The following RBM33 variants were observed in gnomAD, a reference collection of about 807,000 sequenced individuals.
The protein encoded by RBM33 is RNA binding motif protein 33, also known as RNA-binding protein 33.
A neutral mutation model predicts 132.6 loss-of-function variants in RBM33; 28 were observed. That is an observed-to-expected ratio of 0.21 (90% confidence interval 0.16 to 0.29). RBM33 has a LOEUF of 0.29. Among genes scored for constraint, RBM33 ranks in the 10% least tolerant of loss-of-function variants. RBM33 has a pLI of 1.00. For missense variants in RBM33, 1,291 were observed against 1,518.5 expected, an observed-to-expected ratio of 0.85 and a Z score of 2.49; for synonymous variants, 634 against 593.0, an observed-to-expected ratio of 1.07 and a Z score of -1.01.
In RBM33 at chr7:155,711,383, G is replaced by C. The variant is rs546568032; in HGVS notation, c.1129G>C (p.Val377Leu). ...TPRMMMTPPP[V>L]TPQQPKNIHI... The stretch of plus-strand genomic sequence containing the variant: ...AAGGATGATGATGACCCCGCCACCC[G>C]TGACTCCACAGCAGCCCAAGAACAT... The change falls in exon 8 of 18, where the codon GTG (valine) becomes CTG (leucine). Residue 377 changes from valine (V) to leucine (L), a missense_variant. Physicochemically the swap from Val to Leu is conservative, Grantham distance 32. This residue lies in a region of RBM33 where 146 missense variants were observed against 137.1 expected (regional missense o/e 1.07). Coordinates refer to ENST00000401878, the MANE Select transcript of RBM33 (RefSeq NM_053043.3). The C allele has an allele frequency of 1.3e-6, 2 of 1,581,398 alleles. No homozygotes were observed. Among genetic ancestry groups the C allele is most frequent in the East Asian group, 2.4e-5 (1 of 41,892 alleles).
chr7:155,701,069 T>C, intron 6 of RBM33, 125 bp downstream of exon 6: 1 of 807,088 alleles, frequency 1.2e-6, no homozygotes, highest in Non-Finnish European at 2.1e-6. Context: ...GTCCGGAGAG[T>C]GGCCGGACTT....
chr7:155,751,870 GT>G (rs1801696225), intron 14 of RBM33, among the ~76,000 whole-genome samples: 2 of 152,300 alleles, frequency 1.3e-5, no homozygotes, highest in South Asian at 4.1e-4. Context: ...TTTCACTATT[GT>G]TAGCAGGCAC....
chr7:155,676,309 G>A (rs540881291), intron 3 of RBM33, among the ~76,000 whole-genome samples: 1 of 152,168 alleles, frequency 6.6e-6, no homozygotes, highest in Non-Finnish European at 1.5e-5. Flanking sequence ...GAGCTTTTAG[G>A]AAGTGGGTAA....
At chr7:155,759,333 A>G (rs1801952334) in intron 14 of RBM33, among the ~76,000 whole-genome samples, 2 of 151,720 alleles carry the variant, frequency 1.3e-5, no homozygotes, top group African/African-American at 2.4e-5. Context: ...CCAGACATAA[A>G]TTTTCACCAG....
intron 9 of RBM33, among the ~76,000 whole-genome samples, chr7:155,718,899 A>G (rs1487831852): frequency 1.3e-5 from 2 of 152,184 alleles, no homozygotes; most frequent in East Asian, 3.8e-4. Context: ...CTCATTTTAT[A>G]TTTTAAAATG....
chr7:155,708,338 C>T (rs926441335), intron 7 of RBM33, among the ~76,000 whole-genome samples: 14 of 152,214 alleles, frequency 9.2e-5, no homozygotes, highest in African/African-American at 3.4e-4. Flanking sequence ...TGTCTTTTTT[C>T]CCTTCGTTGC....
intron 14 of RBM33, among the ~76,000 whole-genome samples, chr7:155,756,942 A>G (rs1218763318): frequency 6.6e-6 from 1 of 152,192 alleles, no homozygotes; most frequent in Non-Finnish European, 1.5e-5. Flanking sequence ...GTTTACAAGT[A>G]ATGATTAGGA....
At chr7:155,762,818 C>A (rs1006454243) in intron 14 of RBM33, among the ~76,000 whole-genome samples, 1 of 152,206 alleles carries the variant, frequency 6.6e-6, no homozygotes, top group African/African-American at 2.4e-5. Flanking sequence ...ACACTCCCTC[C>A]CTGTCGATGT....
intron 9 of RBM33, 55 bp from the exon 10 acceptor site, chr7:155,737,475 C>A (rs1324363678): frequency 2.0e-6 from 3 of 1,509,028 alleles, no homozygotes; most frequent in Non-Finnish European, 2.7e-6. Flanking sequence ...CTAAAAATTA[C>A]ATACCATTTT....
At chr7:155,649,923 G>T (rs1336689227) in intron 1 of RBM33, among the ~76,000 whole-genome samples, 2 of 152,210 alleles carry the variant, frequency 1.3e-5, no homozygotes, top group African/African-American at 2.4e-5. Context: ...TCAGCCAGAG[G>T]TATAAATCTA....
At chr7:155,760,785 C>T (rs1347025722) in intron 14 of RBM33, among the ~76,000 whole-genome samples, 1 of 152,102 alleles carries the variant, frequency 6.6e-6, no homozygotes, top group East Asian at 1.9e-4. Flanking sequence ...TCAGTATAGG[C>T]CCTCCCTGCC....
At chr7:155,698,920 A>G (rs1383633333) in intron 5 of RBM33, among the ~76,000 whole-genome samples, 2 of 152,250 alleles carry the variant, frequency 1.3e-5, no homozygotes, top group Admixed American at 6.5e-5. Context: ...AGGACATTTA[A>G]GTGTTTCCAG....
At position 155,692,070 on chromosome 7, in the gene RBM33, T is replaced by A. The variant is rs561941666; in HGVS notation, c.568-8703T>A. On this transcript the variant is annotated intron_variant, in intron 5 of 17. Transcript: ENST00000401878. ...TCTGTCCAAAAAAAAAAAAAGAAAA[T>A]TTTTTTTTTCTTTGATTTTCAGTGT... Among the ~76,000 whole-genome samples, 675 of 147,728 alleles carry A rather than the reference T, an allele frequency of 4.6e-3. 3 individuals carry two copies. Among genetic ancestry groups the A allele is most frequent in the African/African-American group, 0.014 (545 of 39,986 alleles).
At chr7:155,714,918 A>C (rs1800415048) in intron 8 of RBM33, among the ~76,000 whole-genome samples, 1 of 152,134 alleles carries the variant, frequency 6.6e-6, no homozygotes, top group South Asian at 2.1e-4. Flanking sequence ...GGGCTGGCCC[A>C]GAGTGTAAGG....
At chr7:155,649,606 T>C (rs1585392985) in intron 1 of RBM33, among the ~76,000 whole-genome samples, 2 of 151,628 alleles carry the variant, frequency 1.3e-5, no homozygotes, top group South Asian at 4.2e-4. Flanking sequence ...AGTCAGAATG[T>C]CCCCCCCCTT....
intron 1 of RBM33, among the ~76,000 whole-genome samples, chr7:155,651,907 C>T (rs754933660): frequency 1.6e-4 from 24 of 152,114 alleles, no homozygotes; most frequent in African/African-American, 4.8e-5. Context: ...TCCTGGGGCC[C>T]GTGTAACATA....
chr7:155,687,201 G>A (rs952306195), intron 5 of RBM33, among the ~76,000 whole-genome samples: 1 of 152,142 alleles, frequency 6.6e-6, no homozygotes, highest in Non-Finnish European at 1.5e-5. Context: ...ATCTCATTGT[G>A]GTTTTGATTT....
In RBM33 at chr7:155,722,905, C is replaced by G. The variant is rs1415823024; in HGVS notation, c.1260+4462C>G. ...GGGCAAATAGTGATATTTCAGTTAG[C>G]CGTTAAATACCAGGTAGTTGGGCTG... On this transcript the variant is annotated intron_variant, in intron 9 of 17. Transcript: ENST00000401878. Among the ~76,000 whole-genome samples, 3 of 152,236 alleles carry G rather than the reference C, an allele frequency of 2.0e-5. No individual in the cohort carries two copies. The East Asian group carries it at 5.8e-4, about 29-fold the overall frequency.
intron 9 of RBM33, among the ~76,000 whole-genome samples, chr7:155,727,928 T>C (rs1050280636): frequency 7.1e-6 from 1 of 141,258 alleles, no homozygotes; most frequent in Non-Finnish European, 1.5e-5. Flanking sequence ...CATGCCTGGC[T>C]AATTTTTTTT....
Sources: allele counts gnomAD v4.1 joint callset (sites outside exome capture counted in the v4.1 genomes callset), GRCh38; gene constraint gnomAD v4.1.1; regional missense constraint gnomAD v4.1.1; transcripts MANE v1.5; gene names NCBI Gene and HGNC (gene_info 2026-07-23, HGNC 2026-07-21).